DLG2: variants seen among roughly 807,000 people sequenced by gnomAD.
DLG2 encodes discs large MAGUK scaffold protein 2.
DLG2 carries 45 observed loss-of-function variants against 132.5 expected under a neutral mutation model. The ratio of observed to expected loss-of-function variants is 0.34; its 90% CI spans 0.27 to 0.44. DLG2 has a LOEUF of 0.44. Among genes scored for constraint, DLG2 ranks in the 20% least tolerant of loss-of-function variants. The probability of loss-of-function intolerance (pLI) is 1.00; values close to 1 mark genes in which losing one functional copy is unlikely to be tolerated. For synonymous variants in DLG2, 424 were observed against 419.6 expected (o/e 1.01, Z -0.13); for missense variants, 1,045 against 1,196.9 (o/e 0.87, Z 1.87).
intron 6 of DLG2, among the ~76,000 whole-genome samples, chr11:84,814,914 G>A (rs938167411): frequency 6.6e-6 from 1 of 152,078 alleles, no homozygotes; most frequent in East Asian, 1.9e-4. Context: ...ATGCTTTGAT[G>A]AGCCTATTTA....
At chr11:85,503,908 G>T (rs2093864636) in intron 3 of DLG2, among the ~76,000 whole-genome samples, 1 of 152,080 alleles carries the variant, frequency 6.6e-6, no homozygotes, top group South Asian at 2.1e-4. Flanking sequence ...CTCCAGCCTG[G>T]GCAACACAGT....
intron 6 of DLG2, among the ~76,000 whole-genome samples, chr11:84,690,217 A>G (rs1271596853): frequency 6.6e-6 from 1 of 151,916 alleles, no homozygotes; most frequent in Non-Finnish European, 1.5e-5. Context: ...TATTTATTGC[A>G]CTACATGGTA....
chr11:85,245,157 A>G (rs1312413016), intron 4 of DLG2, among the ~76,000 whole-genome samples: 1 of 151,996 alleles, frequency 6.6e-6, no homozygotes, highest in African/African-American at 2.4e-5. Context: ...GGACATCAAG[A>G]AGGAAATAAA....
intron 6 of DLG2, among the ~76,000 whole-genome samples, chr11:84,544,005 G>A (rs1344977954): frequency 6.6e-6 from 1 of 152,182 alleles, no homozygotes; most frequent in Non-Finnish European, 1.5e-5. Context: ...TAGCTGCCAG[G>A]AAGGATGCTT....
intron 3 of DLG2, among the ~76,000 whole-genome samples, chr11:85,554,122 T>C (rs1431372699): frequency 6.7e-6 from 1 of 149,796 alleles, no homozygotes; most frequent in Non-Finnish European, 1.5e-5. Context: ...AAAAGGACAA[T>C]AGAGTAAAAT....
intron 7 of DLG2, 47 bp downstream of exon 7, chr11:84,534,523 C>T (rs2154520864): frequency 1.9e-6 from 3 of 1,585,332 alleles, no homozygotes; most frequent in East Asian, 2.2e-5. Context: ...GCAATTAAGA[C>T]CAACTACTGT....
chr11:84,351,333 G>A (rs940959842), intron 7 of DLG2, among the ~76,000 whole-genome samples: 1 of 151,826 alleles, frequency 6.6e-6, no homozygotes, highest in Non-Finnish European at 1.5e-5. Flanking sequence ...TCATATTTCT[G>A]ACTATTTCCC....
intron 4 of DLG2, among the ~76,000 whole-genome samples, chr11:85,163,293 C>A (rs1488899313): frequency 1.3e-5 from 2 of 151,972 alleles, no homozygotes; most frequent in African/African-American, 4.8e-5. Context: ...CTGATTTAAT[C>A]TTTTATTTTT....
chr11:85,574,306 T>C (rs1288263300), intron 3 of DLG2, among the ~76,000 whole-genome samples: 3 of 151,962 alleles, frequency 2.0e-5, no homozygotes, highest in African/African-American at 7.3e-5. Flanking sequence ...ACCCCAAATT[T>C]CTATATCAAA....
At chr11:85,161,562 C>T (rs555991701) in intron 4 of DLG2, among the ~76,000 whole-genome samples, 12 of 152,328 alleles carry the variant, frequency 7.9e-5, no homozygotes, top group African/African-American at 2.6e-4. Flanking sequence ...CTATCCTGCA[C>T]GTAATTCTTC....
chr11:85,466,720 G>A (rs990701582), intron 3 of DLG2, among the ~76,000 whole-genome samples: 1 of 152,172 alleles, frequency 6.6e-6, no homozygotes. Flanking sequence ...TAGCCTTGTA[G>A]TATAGTTTGA....
intron 7 of DLG2, among the ~76,000 whole-genome samples, chr11:84,322,087 A>G (rs1337701556): frequency 6.6e-6 from 1 of 152,258 alleles, no homozygotes; most frequent in African/African-American, 2.4e-5. Flanking sequence ...GCATCCTTTG[A>G]ACTCAGCACA....
intron 7 of DLG2, among the ~76,000 whole-genome samples, chr11:84,335,688 A>G (rs1052695206): frequency 6.6e-6 from 1 of 152,210 alleles, no homozygotes; most frequent in African/African-American, 2.4e-5. Flanking sequence ...TGCATCATCA[A>G]TCAGCTGTGG....
chr11:84,396,379 A>C (rs929556605), intron 7 of DLG2, among the ~76,000 whole-genome samples: 1 of 152,200 alleles, frequency 6.6e-6, no homozygotes, highest in African/African-American at 2.4e-5. Flanking sequence ...TTTTCATAAA[A>C]GATACTTTAA....
chr11:84,563,927 T>C (rs2099438640), intron 6 of DLG2, among the ~76,000 whole-genome samples: 1 of 152,168 alleles, frequency 6.6e-6, no homozygotes, highest in Non-Finnish European at 1.5e-5. Flanking sequence ...GTCATGTTCA[T>C]CGTGAAAAAC....
At chr11:85,396,858 G>C (rs867971737) in intron 3 of DLG2, among the ~76,000 whole-genome samples, 6 of 152,194 alleles carry the variant, frequency 3.9e-5, no homozygotes, top group Non-Finnish European at 7.3e-5. Context: ...CACTCTTCAA[G>C]ATATTATTCA....
At chr11:83,831,508 C>CTGTG (rs753506616) in intron 17 of DLG2, among the ~76,000 whole-genome samples, 103 of 148,840 alleles carry the variant, frequency 6.9e-4, no homozygotes, top group Non-Finnish European at 1.3e-3. Context: ...TTCAGGTAAA[C>CTGTG]TGTGTGTGTG....
chr11:83,660,061 C>T (rs556562508), intron 18 of DLG2, among the ~76,000 whole-genome samples: 4 of 152,084 alleles, frequency 2.6e-5, no homozygotes, highest in East Asian at 1.9e-4. Flanking sequence ...GACTAAGATA[C>T]GAAAAGATTG....
chr11:84,112,921 C>T (rs2093439083), intron 9 of DLG2, among the ~76,000 whole-genome samples: 1 of 152,224 alleles, frequency 6.6e-6, no homozygotes, highest in Non-Finnish European at 1.5e-5. Context: ...ATAACTTCTT[C>T]ACCAGAACAA....
Sources: gnomAD v4.1 joint callset for allele counts (sites outside exome capture counted in the v4.1 genomes callset) on GRCh38, gnomAD v4.1.1 for gene constraint, MANE v1.5 for transcripts, NCBI Gene and HGNC (gene_info 2026-07-23, HGNC 2026-07-21) for gene names.